Variants in NAALADL2 observed in about 807,000 individuals in gnomAD.
NAALADL2 encodes the protein inactive N-acetylated-alpha-linked acidic dipeptidase-like protein 2.
In NAALADL2, 76 loss-of-function variants were observed where a neutral mutation model predicts 87.2. That is an observed-to-expected ratio of 0.87 (90% confidence interval 0.72 to 1.05). The LOEUF (loss-of-function observed/expected upper bound fraction) is 1.05. Among genes scored for constraint, NAALADL2 ranks in the 50% least tolerant of loss-of-function variants. The pLI, the probability that NAALADL2 is intolerant of heterozygous loss-of-function variation, is 0.00. For missense variants in NAALADL2, 1,089 were observed against 945.8 expected, an observed-to-expected ratio of 1.15 and a Z score of -1.99; for synonymous variants, 354 against 331.0, an observed-to-expected ratio of 1.07 and a Z score of -0.75.
chr3:174,831,272 A>C (rs1000866418), intron 3 of NAALADL2, among the ~76,000 whole-genome samples: 1 of 149,842 alleles, frequency 6.7e-6, no homozygotes, highest in African/African-American at 2.5e-5. Flanking sequence ...ATTATTTTGA[A>C]ATACGTCCCA....
At chr3:175,180,454 A>T (rs1736298685) in intron 2 of NAALADL2, among the ~76,000 whole-genome samples, 1 of 151,920 alleles carries the variant, frequency 6.6e-6, no homozygotes, top group Non-Finnish European at 1.5e-5. Context: ...CACAATTTGT[A>T]AGATAATTTT....
At position 174,921,810 on chromosome 3, in the gene NAALADL2, AAAAAAAAAAAAGAAAAAGAAAAAGAAAAG is replaced by A. The variant is rs1327926058; in HGVS notation, c.43+62368_43+62396del. Among the ~76,000 whole-genome samples the A allele has an allele frequency of 1.6e-5, 2 of 124,268 alleles. 1 individual carries two copies. Among genetic ancestry groups the A allele is most frequent in the African/African-American group, 7.1e-5 (2 of 28,196 alleles). The allele number at this position is 124,268 out of a possible 152,430, so 81.5% of individuals were successfully genotyped here. On this transcript the variant is annotated intron_variant, in intron 1 of 13. Transcript: ENST00000454872. Reference sequence around the variant, plus strand: ...ACAGAGCAAGACTCCGTCTCAAAAAAAAAAAAAAAAAGAAAAAGAAAAAGAAAAGAAAAAAATCTTCTTAGTATTTTAAA... The same window carrying A: ...ACAGAGCAAGACTCCGTCTCAAAAAAAAAAAAATCTTCTTAGTATTTTAAA...
intron 4 of NAALADL2, among the ~76,000 whole-genome samples, chr3:175,310,430 A>T (rs1298877668): frequency 6.6e-6 from 1 of 152,076 alleles, no homozygotes; most frequent in Non-Finnish European, 1.5e-5. Flanking sequence ...GTTGATTCTT[A>T]TACACATTGA....
intron 2 of NAALADL2, among the ~76,000 whole-genome samples, chr3:174,699,397 C>T (rs1196152795): frequency 7.4e-6 from 1 of 136,030 alleles, no homozygotes; most frequent in Non-Finnish European, 1.5e-5. Flanking sequence ...AAGGCTGAGG[C>T]AGGGGAGAAT....
intron 2 of NAALADL2, among the ~76,000 whole-genome samples, chr3:175,125,569 T>C (rs1726828275): frequency 6.6e-6 from 1 of 151,996 alleles, no homozygotes; most frequent in African/African-American, 2.4e-5. Context: ...ATATGGAATG[T>C]GAGAGAAAAT....
intron 4 of NAALADL2, among the ~76,000 whole-genome samples, chr3:175,271,822 C>T (rs1213623210): frequency 8.6e-5 from 13 of 151,982 alleles, no homozygotes; most frequent in East Asian, 3.9e-4. Flanking sequence ...ATTAAAAAGC[C>T]GCCACTTAAA....
At chr3:174,916,693 A>G (rs1734456216) in intron 1 of NAALADL2, among the ~76,000 whole-genome samples, 1 of 151,986 alleles carries the variant, frequency 6.6e-6, no homozygotes, top group Admixed American at 6.6e-5. Context: ...GAGTGATATA[A>G]TGGACTTTGG....
At chr3:175,649,260 T>A (rs1256527798) in intron 11 of NAALADL2, among the ~76,000 whole-genome samples, 1 of 152,044 alleles carries the variant, frequency 6.6e-6, no homozygotes, top group Admixed American at 6.6e-5. Context: ...GAAAAAAAGA[T>A]AAAGAAAACA....
chr3:174,641,522 C>T (rs1290931585), intron 2 of NAALADL2, among the ~76,000 whole-genome samples: 1 of 152,130 alleles, frequency 6.6e-6, no homozygotes, highest in Non-Finnish European at 1.5e-5. Flanking sequence ...ACCGTGTTAA[C>T]GATGCCCTCA....
At chr3:175,351,044 A>G (rs910221002) in intron 5 of NAALADL2, among the ~76,000 whole-genome samples, 6 of 152,156 alleles carry the variant, frequency 3.9e-5, no homozygotes, top group Admixed American at 2.0e-4. Flanking sequence ...TATCAATTGC[A>G]TATACTTTGG....
chr3:175,644,303 G>A (rs4616655), intron 11 of NAALADL2, among the ~76,000 whole-genome samples: 151,605 of 152,218 alleles, frequency 1, 75,498 homozygotes, highest in Middle Eastern at 1. Flanking sequence ...AATCTAGTTT[G>A]CCAATATCTT....
intron 10 of NAALADL2, among the ~76,000 whole-genome samples, chr3:175,594,970 G>A (rs1383007423): frequency 6.6e-6 from 1 of 152,050 alleles, no homozygotes; most frequent in Non-Finnish European, 1.5e-5. Context: ...TCTGTTGACA[G>A]TTACTTTTGC....
At chr3:174,534,457 ATTCTGT>A (rs1365033953) in intron 1 of NAALADL2, among the ~76,000 whole-genome samples, 7 of 152,216 alleles carry the variant, frequency 4.6e-5, no homozygotes, top group African/African-American at 1.7e-4. Context: ...ATTATCACAG[ATTCTGT>A]TTCTATCATT....
chr3:174,507,797 C>T (rs532984796), intron 1 of NAALADL2, among the ~76,000 whole-genome samples: 67 of 152,092 alleles, frequency 4.4e-4, no homozygotes, highest in Admixed American at 1.4e-3. Context: ...CACATATGAA[C>T]ATTTAGGTAT....
intron 11 of NAALADL2, among the ~76,000 whole-genome samples, chr3:175,658,566 GC>G (rs1229024444): frequency 3.9e-5 from 6 of 152,036 alleles, no homozygotes; most frequent in African/African-American, 1.4e-4. Context: ...GAATATGATA[GC>G]TTTTCTGCTT....
At chr3:174,877,256 T>C (rs1728623493) in intron 1 of NAALADL2, among the ~76,000 whole-genome samples, 1 of 152,164 alleles carries the variant, frequency 6.6e-6, no homozygotes, top group South Asian at 2.1e-4. Context: ...TTTACATCTA[T>C]GTAGATATCT....
chr3:175,198,615 T>A (rs569192232), intron 2 of NAALADL2, among the ~76,000 whole-genome samples: 2 of 152,162 alleles, frequency 1.3e-5, no homozygotes, highest in East Asian at 3.9e-4. Flanking sequence ...GAAATGATAA[T>A]GTTGAAGGAG....
chr3:175,368,562 G>GGTGTGTGTGT (rs201958182), intron 5 of NAALADL2, among the ~76,000 whole-genome samples: 23 of 147,144 alleles, frequency 1.6e-4, no homozygotes, highest in East Asian at 1.4e-3. Flanking sequence ...GACTGTAGCA[G>GGTGTGTGTGT]GTGTGTGTGA....
chr3:174,443,369 A>G (rs763029249), intron 1 of NAALADL2, among the ~76,000 whole-genome samples: 3 of 152,192 alleles, frequency 2.0e-5, no homozygotes, highest in Non-Finnish European at 4.4e-5. Context: ...GAGATAGGAT[A>G]TGGAATGTGA....
Sources: gnomAD v4.1 joint callset for allele counts (sites outside exome capture counted in the v4.1 genomes callset) on GRCh38, gnomAD v4.1.1 for gene constraint, MANE v1.5 for transcripts, NCBI Gene and HGNC (gene_info 2026-07-23, HGNC 2026-07-21) for gene names.